The following MLF1 variants were observed in gnomAD, a reference collection of about 807,000 sequenced individuals.
MLF1 encodes the protein myelodysplasia-myeloid leukemia factor 1.
A neutral mutation model predicts 38.3 loss-of-function variants in MLF1; 37 were observed. The observed-to-expected ratio is 0.96, with a 90% confidence interval of 0.74 to 1.27. The LOEUF (loss-of-function observed/expected upper bound fraction) is 1.27. Ranked by LOEUF, MLF1 falls within the 50% of genes most tolerant of loss-of-function variation. The pLI, the probability that MLF1 is intolerant of heterozygous loss-of-function variation, is 0.00. For synonymous variants in MLF1, 95 were observed against 106.5 expected (o/e 0.89, Z 0.66); for missense variants, 331 against 349.2 (o/e 0.95, Z 0.42).
chr3:158,581,273 C>A (rs1216885631), intron 1 of MLF1, among the ~76,000 whole-genome samples: 1 of 152,190 alleles, frequency 6.6e-6, no homozygotes, highest in Non-Finnish European at 1.5e-5. Context: ...CCTCCAGGAG[C>A]TCTACCAGGT....
chr3:158,579,208 T>C (rs1715959767), intron 1 of MLF1, among the ~76,000 whole-genome samples: 1 of 152,168 alleles, frequency 6.6e-6, no homozygotes, highest in African/African-American at 2.4e-5. Flanking sequence ...ACATTATGAA[T>C]GGGCTAAAAT....
intron 1 of MLF1, among the ~76,000 whole-genome samples, chr3:158,590,305 T>C (rs1460724793): frequency 6.6e-6 from 1 of 152,166 alleles, no homozygotes; most frequent in East Asian, 1.9e-4. Flanking sequence ...CTCAAATGGC[T>C]ACAGTTAAAC....
In MLF1 at chr3:158,600,148, C is replaced by T. The variant is rs766039585; in HGVS notation, c.588C>T (p.Asn196=). ...KNKKTGDEEV[N]QEFINMNESD... is the part of the protein sequence containing the mutation. ...AGAAGACTGGAGATGAAGAGGTCAA[C>T]CAGGAGTTCATCAATATGAATGAAA... The change falls in exon 6 of 8, where the codon AAC becomes AAT. Residue 196 remains asparagine, a synonymous_variant. Transcript: ENST00000466246. 1.4e-6 allele frequency: 2 copies of T among 1,453,494 alleles called. No homozygotes were observed. The highest frequency in any genetic ancestry group is 9.1e-7 in the Non-Finnish European group (1 of 1,098,696). The allele number at this position is 1,453,494 out of a possible 1,614,324, so 90.0% of individuals were successfully genotyped here.
chr3:158,595,292 G>A (rs1718724356), intron 3 of MLF1, among the ~76,000 whole-genome samples: 1 of 152,060 alleles, frequency 6.6e-6, no homozygotes, highest in African/African-American at 2.4e-5. Context: ...AAACATTTAA[G>A]GAAGAAAGAG....
intron 1 of MLF1, chr3:158,582,847 G>C: frequency 5.9e-6 from 4 of 679,628 alleles, no homozygotes. Context: ...GTTAAAAGAA[G>C]TTCTTCAGAG....
At chr3:158,582,860 A>T (rs1249575057) in intron 1 of MLF1, 1 of 687,438 alleles carries the variant, frequency 1.5e-6, no homozygotes, top group Admixed American at 2.1e-5. Context: ...CTTCAGAGAG[A>T]AGGAAAATCA....
chr3:158,581,670 G>A (rs546941356), intron 1 of MLF1, among the ~76,000 whole-genome samples: 2 of 151,984 alleles, frequency 1.3e-5, no homozygotes, highest in African/African-American at 2.4e-5. Flanking sequence ...AAAATATTAC[G>A]AGGCATACTA....
chr3:158,591,469 T>A (rs1718132798), intron 1 of MLF1, among the ~76,000 whole-genome samples: 1 of 151,964 alleles, frequency 6.6e-6, no homozygotes, highest in African/African-American at 2.4e-5. Context: ...CAAGAAAAAA[T>A]TTTAAAAACT....
Position 158,582,544 on chromosome 3 carries a change from G to A in MLF1, c.48-9890G>A, listed in dbSNP as rs113194740. 2,199 of 242,876 alleles carry A rather than the reference G, an allele frequency of 9.1e-3. 17 individuals carry two copies. Among genetic ancestry groups the A allele is most frequent in the Admixed American group, 0.013 (234 of 17,940 alleles). 15.0% of individuals were successfully genotyped at this position (242,876 alleles called of 1,614,324 possible). ...AAAAAAAATTAAACCTAGGTGTGTC[G>A]TATTTAAACTGTAGAAAATCAAAGA... On this transcript the variant is annotated intron_variant, in intron 1 of 7. Transcript: ENST00000466246.
intron 1 of MLF1, among the ~76,000 whole-genome samples, chr3:158,582,365 A>G (rs749195538): frequency 3.3e-5 from 5 of 152,216 alleles, no homozygotes; most frequent in African/African-American, 4.8e-5. Flanking sequence ...CTGTAGGGCA[A>G]CTACGAAAGA....
Position 158,599,881 on chromosome 3 carries a change from A to G in MLF1, c.454-133A>G, listed in dbSNP as rs992098446. On this transcript the variant is annotated intron_variant, in intron 5 of 7. Coordinates refer to ENST00000466246, the MANE Select transcript of MLF1 (RefSeq NM_001369783.1). ...GACTTATTACCACAGTTTTACCACAAGTTAATAGTGGAACTGAGCACACAT... is the reference window on the plus strand; with the variant it reads ...GACTTATTACCACAGTTTTACCACAGGTTAATAGTGGAACTGAGCACACAT... 1.5e-5 allele frequency: 5 copies of G among 338,030 alleles called. No individual in the cohort carries two copies. In the Admixed American group the frequency reaches 2.0e-4, roughly 13 times the overall value. 20.9% of individuals were successfully genotyped at this position (338,030 alleles called of 1,614,324 possible). A position where few individuals can be genotyped will look rare whatever the true frequency, so the allele number is the denominator to read the frequency against.
At chr3:158,586,502 A>C (rs80067329) in intron 1 of MLF1, among the ~76,000 whole-genome samples, 1,720 of 152,338 alleles carry the variant, frequency 0.011, 9 homozygotes, top group Non-Finnish European at 0.017. Flanking sequence ...ACTGTGTTCA[A>C]ATTACTAGAT....
Position 158,606,103 on chromosome 3 carries a change from T to C in MLF1, c.*901T>C. On this transcript the variant is annotated 3_prime_UTR_variant, in exon 8 of 8. Coordinates refer to ENST00000466246, the MANE Select transcript of MLF1 (RefSeq NM_001369783.1). ...TCTGTTAGACAGCTGATGGGTGTTTTTGAGCAACGTCTTAATAATTCAGTT... is the reference window on the plus strand; with the variant it reads ...TCTGTTAGACAGCTGATGGGTGTTTCTGAGCAACGTCTTAATAATTCAGTT... 5.5e-6 allele frequency: 1 copy of C among 180,874 alleles called. No individual in the cohort carries two copies. The highest frequency in any genetic ancestry group is 1.2e-5 in the Non-Finnish European group (1 of 84,650). 11.2% of individuals were successfully genotyped at this position (180,874 alleles called of 1,614,324 possible). A position where few individuals can be genotyped will look rare whatever the true frequency, so the allele number is the denominator to read the frequency against.
chr3:158,577,621 T>C lies in MLF1; in HGVS notation c.47+6274T>C, dbSNP rs1228598111. 2.6e-5 allele frequency among the ~76,000 whole-genome samples: 4 copies of C among 152,332 alleles called. No individual in the cohort carries two copies. The East Asian group carries it at 7.7e-4, about 29-fold the overall frequency. ...AACTTTGCAAATTATAAGATCATAT[T>C]TGAAAGAATGAGACACTGTAAGCCT... On this transcript the variant is annotated intron_variant, in intron 1 of 7. Coordinates refer to ENST00000466246, the MANE Select transcript of MLF1 (RefSeq NM_001369783.1).
chr3:158,578,876 G>A (rs891955299), intron 1 of MLF1, among the ~76,000 whole-genome samples: 1 of 152,074 alleles, frequency 6.6e-6, no homozygotes, highest in Admixed American at 6.6e-5. Context: ...TTTTGTTTCA[G>A]ATGTCCACAT....
intron 2 of MLF1, 25 bp downstream of exon 2, chr3:158,592,606 TAGTG>T: frequency 1.5e-6 from 1 of 670,578 alleles, no homozygotes; most frequent in Non-Finnish European, 2.0e-6. Flanking sequence ...TTAAGACAGT[TAGTG>T]AGAAGGCCCT....
chr3:158,600,238 ATT>A (rs558443011), intron 6 of MLF1, 65 bp downstream of exon 6: 5 of 983,044 alleles, frequency 5.1e-6, no homozygotes, highest in Non-Finnish European at 6.8e-6. Flanking sequence ...TACTTGATGA[ATT>A]TTTTTTTAGA....
At position 158,602,912 on chromosome 3, in the gene MLF1, A is replaced by G. The variant is rs1256149530; in HGVS notation, c.719A>G (p.Asn240Ser). 1.1e-5 allele frequency: 18 copies of G among 1,613,392 alleles called. No homozygotes were observed. In the Admixed American group the frequency reaches 2.8e-4, roughly 25 times the overall value. Residue 240 changes from asparagine (N) to serine (S), a missense_variant, in exon 7 of 8, where the codon AAT (asparagine) becomes AGT (serine). Physicochemically the swap from Asn to Ser is conservative, Grantham distance 46. Transcript: ENST00000466246. ...AGAATGAGAAGTGTTGGCCATGAGA[A>G]TCCTGGCTCCCGAGAACTTAAAAGA... ...NTRMRSVGHE[N>S]PGSRELKRRE...
chr3:158,598,503 C>T (rs1393769281), intron 5 of MLF1, among the ~76,000 whole-genome samples: 5 of 141,674 alleles, frequency 3.5e-5, no homozygotes, highest in African/African-American at 1.3e-4. Context: ...GTAAACAAAA[C>T]ACGAAAAGAA....
Sources: gnomAD v4.1 joint callset for allele counts (sites outside exome capture counted in the v4.1 genomes callset) on GRCh38, gnomAD v4.1.1 for gene constraint, MANE v1.5 for transcripts, NCBI Gene and HGNC (gene_info 2026-07-23, HGNC 2026-07-21) for gene names.